Variants in EIF5A2 observed in about 807,000 individuals in gnomAD.
EIF5A2 encodes the protein eukaryotic translation initiation factor 5A-2.
A neutral mutation model predicts 16.4 loss-of-function variants in EIF5A2; 15 were observed. That is an observed-to-expected ratio of 0.92 (90% confidence interval 0.61 to 1.41). EIF5A2 has a LOEUF of 1.41. EIF5A2 is among the 40% of genes most tolerant of loss of function. The probability of loss-of-function intolerance (pLI) is 0.00; values close to 1 mark genes in which losing one functional copy is unlikely to be tolerated. For synonymous variants in EIF5A2, 48 were observed against 61.1 expected (o/e 0.79, Z 1.00); for missense variants, 144 against 189.5 (o/e 0.76, Z 1.41).
rs1327656041 is a variant in EIF5A2 at position 170,888,454 on chromosome 3, T to A, written c.*4906A>T. 1.3e-5 allele frequency: 2 copies of A among 152,146 alleles called. No individual in the cohort carries two copies. Among genetic ancestry groups the A allele is most frequent in the African/African-American group, 2.4e-5 (1 of 41,398 alleles). The allele number at this position is 152,146 out of a possible 1,614,324, so 9.4% of individuals were successfully genotyped here. A position where few individuals can be genotyped will look rare whatever the true frequency, so the allele number is the denominator to read the frequency against. On this transcript the variant is annotated 3_prime_UTR_variant, in exon 5 of 5. Transcript: ENST00000295822. The stretch of plus-strand genomic sequence containing the variant: ...AACTATTTTTATTTAATACAACTGA[T>A]GAAGTTAACAGACAAATATATTTTA...
Position 170,891,403 on chromosome 3 carries a change from GACTA to G in EIF5A2, c.*1953_*1956del, listed in dbSNP as rs1347053142. On this transcript the variant is annotated 3_prime_UTR_variant, in exon 5 of 5. Coordinates refer to ENST00000295822, the MANE Select transcript of EIF5A2 (RefSeq NM_020390.6). ...AAAGCTAAAATGTTGTAGGAAAGAC[GACTA>G]ACTACTACCTCACTATTTCTTGTGC... The G allele has an allele frequency of 1.3e-5, 2 of 152,538 alleles. No homozygotes were observed. Among genetic ancestry groups the G allele is most frequent in the Non-Finnish European group, 2.9e-5 (2 of 67,988 alleles). 9.4% of individuals were successfully genotyped at this position (152,538 alleles called of 1,614,324 possible).
Position 170,893,295 on chromosome 3 carries a change from C to CT in EIF5A2, c.*64dup. On this transcript the variant is annotated 3_prime_UTR_variant, in exon 5 of 5. Transcript: ENST00000295822. ...ATGAAGGCTATAGCTTTGGTGACAACTTAGAACCAAATTAGATCTGCAGTT... is the reference window on the plus strand; with the variant it reads ...ATGAAGGCTATAGCTTTGGTGACAACTTTAGAACCAAATTAGATCTGCAGTT... The CT allele has an allele frequency of 1.3e-6, 2 of 1,567,660 alleles. No individual in the cohort carries two copies. Among genetic ancestry groups the CT allele is most frequent in the Non-Finnish European group, 1.7e-6 (2 of 1,147,534 alleles).
chr3:170,903,180 C>G (rs926182283), intron 3 of EIF5A2, among the ~76,000 whole-genome samples: 1 of 152,216 alleles, frequency 6.6e-6, no homozygotes, highest in Non-Finnish European at 1.5e-5. Flanking sequence ...ATTTGCCTTT[C>G]TTGCCTGCAG....
intron 3 of EIF5A2, among the ~76,000 whole-genome samples, chr3:170,899,648 T>G (rs1712761675): frequency 1.3e-5 from 2 of 152,074 alleles, no homozygotes; most frequent in Non-Finnish European, 2.9e-5. Flanking sequence ...TGATGCCAAC[T>G]TTGATATGCT....
At position 170,893,353 on chromosome 3, in the gene EIF5A2, T is replaced by C. The variant is rs1173392060; in HGVS notation, c.*7A>G. On this transcript the variant is annotated 3_prime_UTR_variant, in exon 5 of 5. Transcript: ENST00000295822. ...ACATAAACAGTGTTCATGCCTGATG[T>C]TTCCGTTTATTTGCAGGGTTTTATG... 1 of 1,613,936 alleles carries C rather than the reference T, an allele frequency of 6.2e-7. No individual in the cohort carries two copies. The highest frequency in any genetic ancestry group is 1.3e-5 in the African/African-American group (1 of 75,038).
intron 3 of EIF5A2, among the ~76,000 whole-genome samples, chr3:170,894,918 T>G (rs1712630509): frequency 6.8e-6 from 1 of 147,406 alleles, no homozygotes; most frequent in South Asian, 2.1e-4. Context: ...CCCATCTACT[T>G]GGGAGGCTGA....
intron 3 of EIF5A2, among the ~76,000 whole-genome samples, chr3:170,902,607 C>CTTTT (rs1178996738): frequency 2.0e-5 from 2 of 102,240 alleles, no homozygotes; most frequent in Non-Finnish European, 4.0e-5. Flanking sequence ...AGAAGCCTTC[C>CTTTT]TTTTTTTTTT....
rs1712465729 is a variant in EIF5A2, at chr3:170,889,149, G to A, written c.*4211C>T. On this transcript the variant is annotated 3_prime_UTR_variant, in exon 5 of 5. Coordinates refer to ENST00000295822, the MANE Select transcript of EIF5A2 (RefSeq NM_020390.6). ...GTTGGCAACAAGTATGTTTCTAGCA[G>A]GTGAAAGCCTGGTATGCATTGCCAT... The A allele has an allele frequency of 7.4e-6, 1 of 135,732 alleles. No homozygotes were observed. The highest frequency in any genetic ancestry group is 2.8e-5 in the African/African-American group (1 of 35,552). The allele number at this position is 135,732 out of a possible 1,614,324, so 8.4% of individuals were successfully genotyped here. A position where few individuals can be genotyped will look rare whatever the true frequency, so the allele number is the denominator to read the frequency against.
rs1490015431 is a variant in EIF5A2, at chr3:170,907,024, T to C, written c.235A>G (p.Met79Val). The change falls in exon 3 of 5, where the codon ATG becomes GTG. Residue 79 changes from methionine to valine, a missense_variant. Met to Val is a conservative substitution (Grantham distance 21). Coordinates refer to ENST00000295822, the MANE Select transcript of EIF5A2 (RefSeq NM_020390.6). ...TTTCTCTTAATATTTGGAACATCCA[T>C]GTTGTGAGTAGAAGGACAAATATCT... ...YEDICPSTHN[M>V]DVPNIKRNDY... 2 of 1,612,012 alleles carry C rather than the reference T, an allele frequency of 1.2e-6. No homozygotes were observed. Among genetic ancestry groups the C allele is most frequent in the Non-Finnish European group, 1.7e-6 (2 of 1,178,958 alleles).
chr3:170,900,032 G>A (rs1005732700), intron 3 of EIF5A2, among the ~76,000 whole-genome samples: 6 of 151,740 alleles, frequency 4.0e-5, no homozygotes, highest in Non-Finnish European at 7.4e-5. Flanking sequence ...ATGTGGAGGC[G>A]TACCAAGCTC....
intron 3 of EIF5A2, among the ~76,000 whole-genome samples, chr3:170,901,739 C>A (rs951638755): frequency 7.2e-5 from 11 of 152,174 alleles, no homozygotes; most frequent in Non-Finnish European, 1.3e-4. Context: ...AGTGCCTGGA[C>A]AGGTGCCTTC....
intron 3 of EIF5A2, among the ~76,000 whole-genome samples, chr3:170,896,134 T>C (rs1209387715): frequency 6.6e-6 from 1 of 152,206 alleles, no homozygotes; most frequent in Admixed American, 6.5e-5. Context: ...ATAATACTGA[T>C]ATTTTGAAAA....
intron 2 of EIF5A2, among the ~76,000 whole-genome samples, chr3:170,907,379 C>T (rs1712965147): frequency 6.7e-6 from 1 of 149,158 alleles, no homozygotes; most frequent in Non-Finnish European, 1.5e-5. Flanking sequence ...AACAGGTTTT[C>T]TCATCTGTAA....
chr3:170,893,419 C>G lies in EIF5A2; in HGVS notation c.403G>C (p.Val135Leu). 18 of 1,613,452 alleles carry G rather than the reference C, an allele frequency of 1.1e-5. No individual in the cohort carries two copies. The highest frequency in any genetic ancestry group is 1.5e-5 in the Non-Finnish European group (18 of 1,179,842). ...TCACTCATTGCACACATGACAGACA[C>G]CTAGAAGGAAAAAAGCAGGCAAAAC... The part of the protein sequence containing the change: ...GKYNAGEDVQ[V>L]SVMCAMSEEY... The change falls in exon 5 of 5, where the codon GTG becomes CTG. Residue 135 changes from valine to leucine, a missense_variant and splice_region_variant. Transcript: ENST00000295822.
rs756311118 is a variant in EIF5A2 at position 170,907,637 on chromosome 3, C to G, written c.165+5G>C. On this transcript the variant is annotated splice_donor_5th_base_variant and intron_variant, in intron 2 of 4. Transcript: ENST00000295822. ...AGCCAAAGCCTGATCTGCAAGGGTACTTACCTTGGCATGACCATGCTTTCC... is the reference window on the plus strand; with the variant it reads ...AGCCAAAGCCTGATCTGCAAGGGTAGTTACCTTGGCATGACCATGCTTTCC... The G allele has an allele frequency of 1.3e-6, 2 of 1,587,804 alleles. No individual in the cohort carries two copies. The highest frequency in any genetic ancestry group is 8.6e-7 in the Non-Finnish European group (1 of 1,159,108).
chr3:170,895,017 C>T (rs138734371), intron 3 of EIF5A2, among the ~76,000 whole-genome samples: 207 of 115,106 alleles, frequency 1.8e-3, no homozygotes, highest in African/African-American at 7.0e-3. Context: ...CAGAGCGAGA[C>T]TCTGTCTCAA....
Position 170,891,818 on chromosome 3 carries a change from C to A in EIF5A2, c.*1542G>T, listed in dbSNP as rs1367271507. The A allele has an allele frequency of 6.6e-6, 1 of 152,548 alleles. No homozygotes were observed. Among genetic ancestry groups the A allele is most frequent in the Non-Finnish European group, 1.5e-5 (1 of 68,014 alleles). 9.4% of individuals were successfully genotyped at this position (152,548 alleles called of 1,614,324 possible). ...AATTCTGGAAATAATATACATATGACTCAAAAGATGAAATAGAAATGCAGT... is the reference window on the plus strand; with the variant it reads ...AATTCTGGAAATAATATACATATGAATCAAAAGATGAAATAGAAATGCAGT... On this transcript the variant is annotated 3_prime_UTR_variant, in exon 5 of 5. Coordinates refer to ENST00000295822, the MANE Select transcript of EIF5A2 (RefSeq NM_020390.6).
In EIF5A2 at chr3:170,892,672, T is replaced by C; in HGVS notation, c.*688A>G. 2.5e-6 allele frequency: 1 copy of C among 398,150 alleles called. No homozygotes were observed. 24.7% of individuals were successfully genotyped at this position (398,150 alleles called of 1,614,324 possible). On this transcript the variant is annotated 3_prime_UTR_variant, in exon 5 of 5. Transcript: ENST00000295822. ...AATCAACCCTCTTTGCCACTGTCTT[T>C]TGTGTCTTCCTTATAATCTTACTTG...
intron 3 of EIF5A2, among the ~76,000 whole-genome samples, chr3:170,895,393 C>T (rs1021094927): frequency 4.6e-5 from 7 of 151,744 alleles, no homozygotes; most frequent in Non-Finnish European, 1.0e-4. Flanking sequence ...TTTGATACCA[C>T]TGAACTTCTT....
Sources: gnomAD v4.1 joint callset for allele counts (sites outside exome capture counted in the v4.1 genomes callset) on GRCh38, gnomAD v4.1.1 for gene constraint, MANE v1.5 for transcripts, NCBI Gene and HGNC (gene_info 2026-07-23, HGNC 2026-07-21) for gene names.